Variants in TENM3 observed in about 807,000 individuals in gnomAD.
TENM3 encodes the protein teneurin-3.
In TENM3, 63 loss-of-function variants were observed where a neutral mutation model predicts 255.1. The observed-to-expected ratio is 0.25, with a 90% CI of 0.20 to 0.30. The LOEUF (loss-of-function observed/expected upper bound fraction) is 0.30. TENM3 is among the 10% of genes least tolerant of loss of function. TENM3 has a pLI of 1.00. For missense variants in TENM3, 2,929 were observed against 3,461.1 expected, an observed-to-expected ratio of 0.85 and a Z score of 3.86; for synonymous variants, 1,306 against 1,322.3, an observed-to-expected ratio of 0.99 and a Z score of 0.27.
In TENM3 at chr4:182,440,075, G is replaced by A. The variant is rs965986844; in HGVS notation, c.511+93146G>A. 8.7e-5 allele frequency among the ~76,000 whole-genome samples: 13 copies of A among 149,414 alleles called. No individual in the cohort carries two copies. In the East Asian group the frequency reaches 9.9e-4, roughly 11 times the overall value. On this transcript the variant is annotated intron_variant, in intron 3 of 27. Transcript: ENST00000511685. ...GGTTAGTAAATCTACATTATAGAAC[G>A]AAACCCCCTTCTTCCAGCTGCAAAC...
intron 3 of TENM3, among the ~76,000 whole-genome samples, chr4:182,492,220 A>C (rs901500161): frequency 2.6e-5 from 4 of 152,160 alleles, no homozygotes; most frequent in African/African-American, 9.7e-5. Context: ...TTATGACAGC[A>C]TATGTTAAAA....
chr4:182,442,196 A>T (rs1235420246), intron 3 of TENM3, among the ~76,000 whole-genome samples: 2 of 152,228 alleles, frequency 1.3e-5, no homozygotes, highest in Admixed American at 1.3e-4. Flanking sequence ...GTGTTCACAA[A>T]GTCAGAAAAT....
the TENM3 span, among the ~76,000 whole-genome samples, chr4:181,604,582 A>T: frequency 4.6e-5 from 7 of 152,190 alleles, no homozygotes; most frequent in Non-Finnish European, 1.0e-4. Flanking sequence ...AAGTCCAAAA[A>T]GTGTACCCGT....
In TENM3 at chr4:182,764,248, C is replaced by T. The variant is rs75697873; in HGVS notation, c.4892+8989C>T. Among the ~76,000 whole-genome samples the T allele has an allele frequency of 2.8e-4, 43 of 152,282 alleles. 1 individual carries two copies. The East Asian group carries it at 6.8e-3, about 24-fold the overall frequency. On this transcript the variant is annotated intron_variant, in intron 22 of 27. Coordinates refer to ENST00000511685, the MANE Select transcript of TENM3 (RefSeq NM_001080477.4). ...ATCATCAAGCATTTCCTGTTTAGCC[C>T]GTAATTTCCTGGCATTCATTCATTC...
At chr4:181,814,740 G>A in the TENM3 span, among the ~76,000 whole-genome samples, 49 of 152,246 alleles carry the variant, frequency 3.2e-4, no homozygotes, top group East Asian at 8.7e-3. Flanking sequence ...AATTTGCAAA[G>A]AGGTGACCTT....
At chr4:182,263,191 C>T (rs937221781) in intron 1 of TENM3, among the ~76,000 whole-genome samples, 5 of 152,000 alleles carry the variant, frequency 3.3e-5, no homozygotes, top group Admixed American at 6.5e-5. Context: ...GGTCCTATAA[C>T]GTCTTGCGAA....
the TENM3 span, among the ~76,000 whole-genome samples, chr4:181,749,244 C>T: frequency 2.0e-5 from 3 of 151,812 alleles, no homozygotes; most frequent in Non-Finnish European, 4.4e-5. Flanking sequence ...CACAAAGCAG[C>T]ACTAACAAAT....
chr4:182,505,731 C>T (rs997143431), intron 3 of TENM3, among the ~76,000 whole-genome samples: 22 of 152,276 alleles, frequency 1.4e-4, no homozygotes, highest in African/African-American at 5.3e-4. Context: ...GCTGGGATTA[C>T]AGGCGTGAGC....
At chr4:182,490,639 C>T (rs1021947684) in intron 3 of TENM3, among the ~76,000 whole-genome samples, 2 of 152,086 alleles carry the variant, frequency 1.3e-5, no homozygotes, top group Non-Finnish European at 1.5e-5. Context: ...TAAAATACCC[C>T]GTTATCTATG....
chr4:181,679,021 T>C, the TENM3 span, among the ~76,000 whole-genome samples: 1 of 152,124 alleles, frequency 6.6e-6, no homozygotes, highest in Admixed American at 6.6e-5. Context: ...TATTTCTATA[T>C]TGAGTCCTTG....
the TENM3 span, among the ~76,000 whole-genome samples, chr4:181,974,286 G>A: frequency 4.6e-5 from 7 of 152,298 alleles, no homozygotes; most frequent in East Asian, 1.9e-4. Flanking sequence ...AATCAATGCC[G>A]GCCAGGTGCA....
the TENM3 span, among the ~76,000 whole-genome samples, chr4:181,969,564 G>T: frequency 1.3e-5 from 2 of 152,172 alleles, no homozygotes; most frequent in Non-Finnish European, 2.9e-5. Flanking sequence ...GGGAATACCT[G>T]TCTTGTCTCT....
At chr4:182,179,303 CCTGTTCATTTAAACT>C (rs1752702289) in intron 1 of TENM3, among the ~76,000 whole-genome samples, 1 of 152,170 alleles carries the variant, frequency 6.6e-6, no homozygotes, top group African/African-American at 2.4e-5. Context: ...TTACATAATG[CCTGTTCATTTAAACT>C]CACTTGGAAC....
chr4:181,832,160 A>G, the TENM3 span, among the ~76,000 whole-genome samples: 1 of 152,114 alleles, frequency 6.6e-6, no homozygotes, highest in African/African-American at 2.4e-5. Context: ...ATACCACATT[A>G]TGAACTCAGA....
At chr4:181,629,460 A>G in the TENM3 span, among the ~76,000 whole-genome samples, 1 of 152,138 alleles carries the variant, frequency 6.6e-6, no homozygotes, top group East Asian at 1.9e-4. Context: ...TCAGTATAAT[A>G]TTGGCTGTGG....
chr4:181,517,761 T>A, the TENM3 span, among the ~76,000 whole-genome samples: 1 of 152,330 alleles, frequency 6.6e-6, no homozygotes, highest in Admixed American at 6.5e-5. Flanking sequence ...TTCTCCCACA[T>A]GCGGCTTTGC....
intron 16 of TENM3, among the ~76,000 whole-genome samples, chr4:182,734,702 G>T (rs1164444456): frequency 5.3e-5 from 8 of 152,178 alleles, no homozygotes; most frequent in Non-Finnish European, 1.2e-4. Flanking sequence ...AGGCCTGATG[G>T]TTTATTTTCC....
the TENM3 span, among the ~76,000 whole-genome samples, chr4:181,749,586 A>G: frequency 6.6e-6 from 1 of 152,100 alleles, no homozygotes; most frequent in South Asian, 2.1e-4. Context: ...TCTGCAGAGC[A>G]CTCTGGCTAG....
At chr4:181,853,187 CT>C in the TENM3 span, among the ~76,000 whole-genome samples, 1 of 152,214 alleles carries the variant, frequency 6.6e-6, no homozygotes, top group African/African-American at 2.4e-5. Context: ...TATTTGATCT[CT>C]AACTGTGGCT....
Sources: allele counts gnomAD v4.1 joint callset (sites outside exome capture counted in the v4.1 genomes callset), GRCh38; gene constraint gnomAD v4.1.1; transcripts MANE v1.5; gene names NCBI Gene and HGNC (gene_info 2026-07-23, HGNC 2026-07-21).